The following ABR variants were observed in gnomAD, a reference collection of about 807,000 sequenced individuals.
ABR encodes the protein active breakpoint cluster region-related protein.
Under a neutral mutation model 107.2 loss-of-function variants are expected in ABR, and 35 were observed. That is an observed-to-expected ratio of 0.33 (90% CI 0.25 to 0.43). ABR has a LOEUF of 0.43. Among genes scored for constraint, ABR ranks in the 20% least tolerant of loss-of-function variants. ABR has a pLI of 1.00. For synonymous variants in ABR, 498 were observed against 462.0 expected, an observed-to-expected ratio of 1.08 and a Z score of -1.00; for missense variants, 815 against 1,115.2, an observed-to-expected ratio of 0.73 and a Z score of 3.83.
At chr17:1,093,382 T>C (rs986355109) in intron 3 of ABR, among the ~76,000 whole-genome samples, 1 of 151,936 alleles carries the variant, frequency 6.6e-6, no homozygotes, top group Admixed American at 6.5e-5. Flanking sequence ...GGCAGGAGAA[T>C]CTCTTGAACT....
chr17:1,144,717 C>G (rs983682181), intron 1 of ABR, among the ~76,000 whole-genome samples: 1 of 151,932 alleles, frequency 6.6e-6, no homozygotes. Flanking sequence ...CATGGTGAAG[C>G]CCCGTCTCTA....
At chr17:1,166,076 G>A (rs1328239356) in intron 1 of ABR, among the ~76,000 whole-genome samples, 4 of 136,414 alleles carry the variant, frequency 2.9e-5, no homozygotes, top group Non-Finnish European at 6.2e-5. Context: ...CGGAGTGTCC[G>A]CACCCACCCT....
intron 1 of ABR, among the ~76,000 whole-genome samples, chr17:1,214,322 G>T (rs1471441996): frequency 7.5e-6 from 1 of 133,594 alleles, no homozygotes; most frequent in East Asian, 3.0e-4. Context: ...TGGAATCTAT[G>T]ATACTAGGAT....
rs151222327 is a variant in ABR at position 1,092,231 on chromosome 17, G to A, written c.346-381C>T. On this transcript the variant is annotated intron_variant, in intron 3 of 22. Transcript: ENST00000302538. The surrounding 1 kb of genome is among the most constrained non-coding windows in gnomAD (Gnocchi z 4.6). ...CTTCAGTGGAAGGGAGGGTTGACAG[G>A]GAACTCAAGCCTATAGCTGTTTCCT... Among the ~76,000 whole-genome samples the A allele has an allele frequency of 1.0e-3, 156 of 152,300 alleles. 2 individuals carry two copies. The East Asian group carries it at 0.028, about 27-fold the overall frequency.
rs539696817 is a variant in ABR at position 1,144,409 on chromosome 17, C to G, written c.62-19042G>C. On this transcript the variant is annotated intron_variant, in intron 1 of 22. Coordinates refer to ENST00000302538, the MANE Select transcript of ABR (RefSeq NM_021962.5). ...GGATTCAACGAGGTGGGCATGGGGC[C>G]AGGAGGCAGATCTGGGTCCCGCGTC... is the stretch of plus-strand genomic sequence containing the variant. 3.9e-5 allele frequency among the ~76,000 whole-genome samples: 6 copies of G among 152,138 alleles called. No individual in the cohort carries two copies. The South Asian group carries it at 1.2e-3, about 32-fold the overall frequency.
At position 1,084,965 on chromosome 17, in the gene ABR, GC is replaced by G. The variant is rs2036495617; in HGVS notation, c.532-1339del. Among the ~76,000 whole-genome samples, 4 of 151,940 alleles carry G rather than the reference GC, an allele frequency of 2.6e-5. No homozygotes were observed. In the South Asian group the frequency reaches 8.3e-4, roughly 32 times the overall value. Reference sequence around the variant, plus strand: ...TTACAGGCGCCCGCCACCACGCCTGGCTAATCTTGTATTTTTAGTAGAGACG... The same window carrying G: ...TTACAGGCGCCCGCCACCACGCCTGGTAATCTTGTATTTTTAGTAGAGACG... On this transcript the variant is annotated intron_variant, in intron 4 of 22. Transcript: ENST00000302538. The surrounding 1 kb of genome is among the most constrained non-coding windows in gnomAD (Gnocchi z 4.2).
intron 2 of ABR, among the ~76,000 whole-genome samples, chr17:1,124,038 G>A (rs1407917416): frequency 6.6e-6 from 1 of 152,166 alleles, no homozygotes; most frequent in East Asian, 1.9e-4. Flanking sequence ...CTCGGCCTCG[G>A]CCTCTGTTGC....
Position 1,200,146 on chromosome 17 carries a change from AT to A in ABR, c.838+28646del, listed in dbSNP as rs199968447. Reference sequence around the variant, plus strand: ...ATCAAAAATATTTGGGAGGAAAACAATTAAAAAAAAACACCACAAAAATAAA... The same window carrying A: ...ATCAAAAATATTTGGGAGGAAAACAATAAAAAAAAACACCACAAAAATAAA... On this transcript the variant is annotated intron_variant, in intron 1 of 22. Coordinates refer to the ABR transcript ENST00000574139. The surrounding 1 kb of genome is among the most constrained non-coding windows in gnomAD (Gnocchi z 4.1). Among the ~76,000 whole-genome samples the A allele has an allele frequency of 1.3e-5, 2 of 151,974 alleles. No homozygotes were observed. The highest frequency in any genetic ancestry group is 6.6e-5 in the Admixed American group (1 of 15,262).
intron 1 of ABR, among the ~76,000 whole-genome samples, chr17:1,226,485 G>A (rs1348744678): frequency 2.7e-5 from 4 of 145,606 alleles, no homozygotes; most frequent in East Asian, 2.0e-4. Flanking sequence ...ACTGTGCCAT[G>A]TGTATACGTG....
intron 16 of ABR, among the ~76,000 whole-genome samples, chr17:1,023,065 C>T (rs113684342): frequency 2.3e-5 from 3 of 128,952 alleles, no homozygotes; most frequent in African/African-American, 9.7e-5. Flanking sequence ...TCCGCTCCAG[C>T]GCCTCTGCCG....
In ABR at chr17:1,179,290, G is replaced by T. The variant is rs2042032688; in HGVS notation, c.61+377C>A. Among the ~76,000 whole-genome samples the T allele has an allele frequency of 6.6e-6, 1 of 152,138 alleles. No individual in the cohort carries two copies. Among genetic ancestry groups the T allele is most frequent in the African/African-American group, 2.4e-5 (1 of 41,430 alleles). Reference sequence around the variant, plus strand: ...CTGGACAGAGAAGCTGCCGGTCCAGGGGCGGGGGCAGCACCCAGAAGGGCC... The same window carrying T: ...CTGGACAGAGAAGCTGCCGGTCCAGTGGCGGGGGCAGCACCCAGAAGGGCC... On this transcript the variant is annotated intron_variant, in intron 1 of 22. Coordinates refer to ENST00000302538, the MANE Select transcript of ABR (RefSeq NM_021962.5). This position sits in a 1 kb window ranked among gnomAD's most constrained non-coding sequence, Gnocchi z 4.9.
At chr17:1,104,022 GGCA>G (rs1373233099) in intron 2 of ABR, among the ~76,000 whole-genome samples, 1 of 152,104 alleles carries the variant, frequency 6.6e-6, no homozygotes, top group African/African-American at 2.4e-5. Flanking sequence ...CCGGGAGCCA[GGCA>G]CTGGGAATAC....
chr17:1,222,580 A>G (rs1018761282), intron 1 of ABR, among the ~76,000 whole-genome samples: 2 of 152,170 alleles, frequency 1.3e-5, no homozygotes, highest in Non-Finnish European at 2.9e-5. Context: ...TAACATGACT[A>G]CTTAGTAGGA....
At chr17:1,029,546 G>A (rs1328567626) in intron 16 of ABR, among the ~76,000 whole-genome samples, 1 of 152,120 alleles carries the variant, frequency 6.6e-6, no homozygotes, top group Non-Finnish European at 1.5e-5. Flanking sequence ...CATCACTCAG[G>A]GCAAAGTTAA....
intron 16 of ABR, among the ~76,000 whole-genome samples, chr17:1,042,467 T>C (rs2030746537): frequency 6.6e-6 from 1 of 150,446 alleles, no homozygotes; most frequent in Non-Finnish European, 1.5e-5. Context: ...ACGTGGCAGC[T>C]ACATCCACGG....
intron 1 of ABR, among the ~76,000 whole-genome samples, chr17:1,153,080 A>T (rs199981242): frequency 0.012 from 1,850 of 152,224 alleles, 39 homozygotes; most frequent in East Asian, 0.11. Flanking sequence ...TAAAAAAAAA[A>T]TTTTTGACAC....
chr17:1,125,396 A>C, intron 1 of ABR, 29 bp from the exon 2 acceptor site: 1 of 1,609,074 alleles, frequency 6.2e-7, no homozygotes, highest in Non-Finnish European at 8.5e-7. Context: ...AAGGCCACTG[A>C]GAATCCTCCA....
intron 18 of ABR, 138 bp from the exon 19 acceptor site, chr17:1,012,123 A>G (rs1185011889): frequency 1.4e-6 from 2 of 1,414,688 alleles, no homozygotes; most frequent in South Asian, 1.2e-5. Flanking sequence ...GGGGCAGGGC[A>G]GAGAAAGAGG....
rs541930663 is a variant in ABR at position 1,044,687 on chromosome 17, A to G, written c.1791+5363T>C. ...AAATACCTCTTCCGGCCAAACCCCC[A>G]GGAATCCCCTCCTTTTATTCATTCC... On this transcript the variant is annotated intron_variant, in intron 16 of 22. Coordinates refer to ENST00000302538, the MANE Select transcript of ABR (RefSeq NM_021962.5). Among the ~76,000 whole-genome samples, 66 of 148,158 alleles carry G rather than the reference A, an allele frequency of 4.5e-4. 1 individual carries two copies. Among genetic ancestry groups the G allele is most frequent in the African/African-American group, 1.6e-3 (66 of 40,658 alleles).
Sources: allele counts gnomAD v4.1 joint callset (sites outside exome capture counted in the v4.1 genomes callset), GRCh38; gene constraint gnomAD v4.1.1; non-coding constraint Gnocchi (gnomAD v3.1); transcripts MANE v1.5; gene names NCBI Gene and HGNC (gene_info 2026-07-23, HGNC 2026-07-21).